PTPRK: variants seen among roughly 807,000 people sequenced by gnomAD.
The protein encoded by PTPRK is protein tyrosine phosphatase receptor type K, also known as receptor-type tyrosine-protein phosphatase kappa.
Under a neutral mutation model 178.0 loss-of-function variants are expected in PTPRK, and 75 were observed. The observed-to-expected ratio is 0.42, with a 90% CI of 0.35 to 0.51. PTPRK has a LOEUF of 0.51. Ranked by LOEUF, PTPRK falls within the 20% of genes least tolerant of loss-of-function variation. The pLI, the probability that PTPRK is intolerant of heterozygous loss-of-function variation, is 0.02. For synonymous variants in PTPRK, 637 were observed against 620.6 expected (o/e 1.03, Z -0.39); for missense variants, 1,441 against 1,797.8 (o/e 0.80, Z 3.59).
rs539135923 is a variant in PTPRK, at chr6:128,252,715, C to T, written c.496-10113G>A. Among the ~76,000 whole-genome samples the T allele has an allele frequency of 2.2e-4, 34 of 152,290 alleles. 1 individual carries two copies. Among genetic ancestry groups the T allele is most frequent in the African/African-American group, 7.9e-4 (33 of 41,562 alleles). On this transcript the variant is annotated intron_variant, in intron 3 of 29. Transcript: ENST00000368226. ...ACTCAACACAGTGCACACCACAGTT[C>T]CCAGCAGCAGAGCCCCAACTCTGAG...
intron 27 of PTPRK, among the ~76,000 whole-genome samples, chr6:127,976,038 T>C (rs1458923886): frequency 3.3e-5 from 5 of 151,854 alleles, no homozygotes; most frequent in Non-Finnish European, 7.4e-5. Context: ...GGAAAGCAAA[T>C]GAGGAGTCAG....
chr6:128,266,103 A>G (rs577011732), intron 3 of PTPRK, among the ~76,000 whole-genome samples: 1 of 152,246 alleles, frequency 6.6e-6, no homozygotes, highest in East Asian at 1.9e-4. Context: ...TAAGACATCC[A>G]GTTTATGGCA....
intron 3 of PTPRK, among the ~76,000 whole-genome samples, chr6:128,260,130 A>T (rs1455063706): frequency 6.6e-6 from 1 of 152,150 alleles, no homozygotes; most frequent in Admixed American, 6.6e-5. Context: ...AGACCTATAG[A>T]GTATATTATT....
At chr6:128,304,404 T>G (rs1826074721) in intron 3 of PTPRK, among the ~76,000 whole-genome samples, 1 of 152,136 alleles carries the variant, frequency 6.6e-6, no homozygotes, top group African/African-American at 2.4e-5. Context: ...TCAATGGATG[T>G]AAAGGATAAA....
At chr6:128,370,198 G>A (rs1230983413) in intron 2 of PTPRK, among the ~76,000 whole-genome samples, 1 of 152,072 alleles carries the variant, frequency 6.6e-6, no homozygotes, top group Non-Finnish European at 1.5e-5. Context: ...TGTGCATATT[G>A]TAGTACTTGC....
At chr6:128,335,363 G>A (rs1475046417) in intron 2 of PTPRK, among the ~76,000 whole-genome samples, 5 of 151,072 alleles carry the variant, frequency 3.3e-5, no homozygotes, top group Admixed American at 6.6e-5. Flanking sequence ...GCCAAAAATC[G>A]GTCTGCTTGT....
intron 11 of PTPRK, among the ~76,000 whole-genome samples, chr6:128,068,215 G>A (rs535775341): frequency 6.6e-6 from 1 of 152,312 alleles, no homozygotes; most frequent in South Asian, 2.1e-4. Context: ...CAGAATGACT[G>A]CCTCAGGGCG....
intron 6 of PTPRK, among the ~76,000 whole-genome samples, chr6:128,201,859 C>A (rs1413938931): frequency 6.6e-6 from 1 of 151,756 alleles, no homozygotes; most frequent in Non-Finnish European, 1.5e-5. Flanking sequence ...AGATAATGAC[C>A]CCAGTAACAC....
At chr6:128,361,772 C>A (rs556785281) in intron 2 of PTPRK, among the ~76,000 whole-genome samples, 2 of 151,986 alleles carry the variant, frequency 1.3e-5, no homozygotes, top group East Asian at 3.9e-4. Context: ...ATTGTATATA[C>A]GCAGTCTATC....
intron 1 of PTPRK, among the ~76,000 whole-genome samples, chr6:128,410,201 T>C (rs932131425): frequency 6.6e-6 from 1 of 152,200 alleles, no homozygotes; most frequent in African/African-American, 2.4e-5. Flanking sequence ...TGTCTAAGAT[T>C]CTTTCATGAA....
intron 3 of PTPRK, among the ~76,000 whole-genome samples, chr6:128,303,699 C>T (rs1361111748): frequency 6.6e-6 from 1 of 152,110 alleles, no homozygotes; most frequent in African/African-American, 2.4e-5. Flanking sequence ...CTTGTTAAAG[C>T]TGTGGAATGA....
At chr6:128,347,711 TA>T (rs1351476373) in intron 2 of PTPRK, among the ~76,000 whole-genome samples, 1 of 152,088 alleles carries the variant, frequency 6.6e-6, no homozygotes, top group East Asian at 1.9e-4. Flanking sequence ...AACATGGTTT[TA>T]AAAGAGAGAA....
chr6:128,486,631 C>T (rs1243191375), intron 1 of PTPRK, among the ~76,000 whole-genome samples: 1 of 152,000 alleles, frequency 6.6e-6, no homozygotes, highest in Non-Finnish European at 1.5e-5. Context: ...TGGTGAAACC[C>T]TGTCTACAAA....
intron 2 of PTPRK, among the ~76,000 whole-genome samples, chr6:128,331,438 A>G (rs770556862): frequency 1.3e-5 from 2 of 152,128 alleles, no homozygotes; most frequent in Non-Finnish European, 2.9e-5. Context: ...GTAAGCAAAA[A>G]TATTTTTTTA....
At chr6:128,079,311 A>G (rs1290889253) in intron 10 of PTPRK, among the ~76,000 whole-genome samples, 1 of 151,930 alleles carries the variant, frequency 6.6e-6, no homozygotes, top group Non-Finnish European at 1.5e-5. Context: ...GAACAGCAAG[A>G]GCTGAGGTCA....
chr6:128,248,476 T>A (rs565192389), intron 3 of PTPRK, among the ~76,000 whole-genome samples: 3 of 152,096 alleles, frequency 2.0e-5, no homozygotes, highest in South Asian at 2.1e-4. Flanking sequence ...ATGAAAAAAA[T>A]ATATTTAAGT....
At chr6:128,177,314 A>G (rs1801216932) in intron 7 of PTPRK, among the ~76,000 whole-genome samples, 1 of 151,780 alleles carries the variant, frequency 6.6e-6, no homozygotes, top group Non-Finnish European at 1.5e-5. Flanking sequence ...CTACTTCCTG[A>G]TATCAAATAA....
chr6:127,984,982 C>CA (rs1775774620), intron 22 of PTPRK, among the ~76,000 whole-genome samples: 1 of 151,864 alleles, frequency 6.6e-6, no homozygotes, highest in African/African-American at 2.4e-5. Context: ...TTTCAGAAAG[C>CA]AAAAAATGCT....
chr6:128,329,973 G>T (rs919571169), intron 2 of PTPRK, among the ~76,000 whole-genome samples: 2 of 152,116 alleles, frequency 1.3e-5, no homozygotes, highest in African/African-American at 4.8e-5. Context: ...ATCCTCATAA[G>T]AAAAGTATTT....
Sources: gnomAD v4.1 joint callset for allele counts (sites outside exome capture counted in the v4.1 genomes callset) on GRCh38, gnomAD v4.1.1 for gene constraint, MANE v1.5 for transcripts, NCBI Gene and HGNC (gene_info 2026-07-23, HGNC 2026-07-21) for gene names.